KCNMB2: variants seen among roughly 807,000 people sequenced by gnomAD.
KCNMB2 encodes calcium-activated potassium channel subunit beta-2.
A neutral mutation model predicts 24.5 loss-of-function variants in KCNMB2; 9 were observed. The observed-to-expected ratio is 0.37, with a 90% confidence interval of 0.22 to 0.64. The LOEUF (loss-of-function observed/expected upper bound fraction) is 0.64, where lower values mean the gene tolerates loss of function less well. KCNMB2 is among the 30% of genes least tolerant of loss of function. The pLI is 0.63. For synonymous variants in KCNMB2, 109 were observed against 104.4 expected, an observed-to-expected ratio of 1.04 and a Z score of -0.27; for missense variants, 226 against 284.3, an observed-to-expected ratio of 0.79 and a Z score of 1.47.
chr3:178,699,998 T>C (rs933944694), intron 1 of KCNMB2, among the ~76,000 whole-genome samples: 14 of 152,212 alleles, frequency 9.2e-5, no homozygotes, highest in African/African-American at 3.4e-4. Context: ...CAGTGTGCAA[T>C]GGCCCATGCA....
At chr3:178,701,334 G>A (rs892989575) in intron 1 of KCNMB2, among the ~76,000 whole-genome samples, 1 of 152,170 alleles carries the variant, frequency 6.6e-6, no homozygotes, top group South Asian at 2.1e-4. Context: ...TTTGGTACCA[G>A]TACCATGCTG....
At chr3:178,602,105 C>T (rs1718102578) in intron 1 of KCNMB2, among the ~76,000 whole-genome samples, 1 of 152,148 alleles carries the variant, frequency 6.6e-6, no homozygotes, top group Non-Finnish European at 1.5e-5. Context: ...ACCCTAATAT[C>T]ACCACTCAGA....
At chr3:178,559,738 T>A (rs1463352344) in intron 1 of KCNMB2, among the ~76,000 whole-genome samples, 6 of 149,626 alleles carry the variant, frequency 4.0e-5, no homozygotes. Context: ...CTGACAGCAA[T>A]TCATGAATCT....
chr3:178,632,294 GA>G (rs1186939386), intron 1 of KCNMB2, among the ~76,000 whole-genome samples: 2 of 152,128 alleles, frequency 1.3e-5, no homozygotes, highest in African/African-American at 2.4e-5. Flanking sequence ...CTATCCCTGG[GA>G]TCAAACTAAG....
At chr3:178,677,619 GCACCA>G (rs918130226) in intron 1 of KCNMB2, among the ~76,000 whole-genome samples, 4 of 152,172 alleles carry the variant, frequency 2.6e-5, no homozygotes, top group African/African-American at 9.6e-5. Flanking sequence ...TGTCGTCTGT[GCACCA>G]TGTAAAGAGA....
chr3:178,604,440 T>A (rs1406968598), intron 1 of KCNMB2, among the ~76,000 whole-genome samples: 2 of 150,362 alleles, frequency 1.3e-5, no homozygotes, highest in African/African-American at 2.4e-5. Context: ...CCCAGAACCA[T>A]GAATATTTTA....
In KCNMB2 at chr3:178,653,528, C is replaced by T. The variant is rs77328213; in HGVS notation, c.-68+116817C>T. Among the ~76,000 whole-genome samples the T allele has an allele frequency of 1.3e-3, 192 of 152,100 alleles. 1 individual carries two copies. The highest frequency in any genetic ancestry group is 7.9e-3 in the East Asian group (41 of 5,182). ...GACCTTAAAGTATCTCCATTAAGTA[C>T]GATGTTTGCTCTAGCCTTTTGATAT... On this transcript the variant is annotated intron_variant, in intron 1 of 4. Transcript: ENST00000452583.
At chr3:178,554,179 T>C (rs1383266747) in intron 1 of KCNMB2, among the ~76,000 whole-genome samples, 1 of 152,132 alleles carries the variant, frequency 6.6e-6, no homozygotes, top group African/African-American at 2.4e-5. Flanking sequence ...AGTTAACAAG[T>C]GTTAAGGCCT....
At chr3:178,638,051 A>C (rs969510705) in intron 1 of KCNMB2, among the ~76,000 whole-genome samples, 2 of 152,074 alleles carry the variant, frequency 1.3e-5, no homozygotes, top group African/African-American at 4.8e-5. Flanking sequence ...GCCACAACTC[A>C]TAGCAGTTAC....
intron 1 of KCNMB2, among the ~76,000 whole-genome samples, chr3:178,664,767 A>C (rs1208949284): frequency 1.3e-5 from 2 of 152,098 alleles, no homozygotes; most frequent in Non-Finnish European, 2.9e-5. Context: ...ATTTTCACGT[A>C]AATAATGGCA....
In KCNMB2 at chr3:178,759,434, GATATAT is replaced by G. The variant is rs201627319; in HGVS notation, c.-67-47890_-67-47885del. On this transcript the variant is annotated intron_variant, in intron 1 of 4. Transcript: ENST00000452583. The stretch of plus-strand genomic sequence containing the variant: ...ATATATATATATATCTCTCCAAGAG[GATATAT>G]ATATATATATATATATATCTCCAAG... Among the ~76,000 whole-genome samples, 96 of 17,628 alleles carry G rather than the reference GATATAT, an allele frequency of 5.4e-3. 24 individuals are homozygous for G. The highest frequency in any genetic ancestry group is 0.029 in the African/African-American group (88 of 3,006). The allele number at this position is 17,628 out of a possible 152,430, so 11.6% of individuals were successfully genotyped here.
chr3:178,562,419 C>A (rs1192422936), intron 1 of KCNMB2, among the ~76,000 whole-genome samples: 1 of 152,056 alleles, frequency 6.6e-6, no homozygotes, highest in African/African-American at 2.4e-5. Flanking sequence ...GAAGCAGGAA[C>A]CATTACAGCT....
At chr3:178,542,403 T>C (rs1371758251) in intron 1 of KCNMB2, among the ~76,000 whole-genome samples, 1 of 152,160 alleles carries the variant, frequency 6.6e-6, no homozygotes, top group East Asian at 1.9e-4. Flanking sequence ...AAAGTAATAG[T>C]TATCTCATTA....
intron 1 of KCNMB2, among the ~76,000 whole-genome samples, chr3:178,571,518 T>C (rs1256695136): frequency 6.7e-6 from 1 of 149,598 alleles, no homozygotes; most frequent in Non-Finnish European, 1.5e-5. Context: ...TATGTATTTG[T>C]TTATGTATTT....
At chr3:178,796,465 G>A (rs73183328) in intron 1 of KCNMB2, among the ~76,000 whole-genome samples, 4,248 of 152,008 alleles carry the variant, frequency 0.028, 93 homozygotes, top group Middle Eastern at 0.071. Context: ...TCTTCTCCTC[G>A]GCACATGCAT....
At chr3:178,575,236 G>A (rs1349667312) in intron 1 of KCNMB2, among the ~76,000 whole-genome samples, 1 of 152,172 alleles carries the variant, frequency 6.6e-6, no homozygotes, top group Non-Finnish European at 1.5e-5. Flanking sequence ...TGAGATACTG[G>A]TTTGGGCTGG....
intron 1 of KCNMB2, among the ~76,000 whole-genome samples, chr3:178,731,685 C>A (rs1284285772): frequency 2.0e-5 from 3 of 152,190 alleles, no homozygotes; most frequent in Admixed American, 1.3e-4. Flanking sequence ...GGGTGGATCT[C>A]CTGAGGTCTG....
At chr3:178,568,809 AG>A (rs1560112224) in intron 1 of KCNMB2, among the ~76,000 whole-genome samples, 74 of 51,326 alleles carry the variant, frequency 1.4e-3, no homozygotes, top group Middle Eastern at 0.01. Context: ...ATAGATAGAT[AG>A]ATAGATAATA....
chr3:178,781,873 C>T lies in KCNMB2; in HGVS notation c.-67-25470C>T, dbSNP rs909208178. Among the ~76,000 whole-genome samples the T allele has an allele frequency of 6.0e-5, 9 of 148,794 alleles. 1 individual carries two copies. Among genetic ancestry groups the T allele is most frequent in the Non-Finnish European group, 1.0e-4 (7 of 67,228 alleles). ...GTTACATATGTATACATGTGCCATG[C>T]TGGTGCGCTGCACCCACTAACTCGT... On this transcript the variant is annotated intron_variant, in intron 1 of 4. Coordinates refer to ENST00000452583, the MANE Select transcript of KCNMB2 (RefSeq NM_181361.3).
Sources: allele counts gnomAD v4.1 joint callset (sites outside exome capture counted in the v4.1 genomes callset), GRCh38; gene constraint gnomAD v4.1.1; transcripts MANE v1.5; gene names NCBI Gene and HGNC (gene_info 2026-07-23, HGNC 2026-07-21).